Variants in PRKAR1B observed in about 807,000 individuals in gnomAD.
The protein encoded by PRKAR1B is cAMP-dependent protein kinase type I-beta regulatory subunit.
In PRKAR1B, 22 loss-of-function variants were observed where a neutral mutation model predicts 46.5. The observed-to-expected ratio is 0.47, with a 90% CI of 0.34 to 0.68. The LOEUF is 0.68. Ranked by LOEUF, PRKAR1B falls within the 30% of genes least tolerant of loss-of-function variation. The pLI is 0.01. For synonymous variants in PRKAR1B, 259 were observed against 217.7 expected (o/e 1.19, Z -1.67); for missense variants, 445 against 535.6 (o/e 0.83, Z 1.67).
intron 2 of PRKAR1B, among the ~76,000 whole-genome samples, chr7:694,078 A>T (rs1779593589): frequency 6.6e-6 from 1 of 152,052 alleles, no homozygotes; most frequent in Non-Finnish European, 1.5e-5. Flanking sequence ...AGGTCAGGAG[A>T]TGGAGACCAT....
chr7:680,482 C>G (rs79037648), intron 3 of PRKAR1B, 74 bp downstream of exon 3: 171,738 of 1,440,426 alleles, frequency 0.12, 11,411 homozygotes, highest in South Asian at 0.23. Context: ...GCCCCGTGGG[C>G]TTCCAGGGAG....
chr7:579,491 C>T, intron 8 of PRKAR1B, 114 bp from the exon 9 acceptor site: 1 of 1,329,442 alleles, frequency 7.5e-7, no homozygotes, highest in East Asian at 2.4e-5. Flanking sequence ...ATCACAACAC[C>T]AGCTCCGTGA....
At chr7:623,739 CTGTACCTAG>C (rs1273101707) in intron 4 of PRKAR1B, among the ~76,000 whole-genome samples, 2 of 152,262 alleles carry the variant, frequency 1.3e-5, no homozygotes, top group Non-Finnish European at 2.9e-5. Context: ...GCAGTGATCC[CTGTACCTAG>C]TGCAATGGTC....
Position 578,298 on chromosome 7 carries a change from G to A in PRKAR1B, c.891+958C>T, listed in dbSNP as rs189497346. Among the ~76,000 whole-genome samples, 447 of 152,322 alleles carry A rather than the reference G, an allele frequency of 2.9e-3. 5 individuals are homozygous for A. The highest frequency in any genetic ancestry group is 7.9e-3 in the African/African-American group (328 of 41,558). On this transcript the variant is annotated intron_variant, in intron 9 of 10. Transcript: ENST00000537384. ...CTGCTCGGCCCACCCAACAGTCTGC[G>A]TGCGGCCACCACGGACTGCGGCCCC...
chr7:622,007 C>A (rs1349660450), intron 4 of PRKAR1B, among the ~76,000 whole-genome samples: 1 of 152,228 alleles, frequency 6.6e-6, no homozygotes, highest in African/African-American at 2.4e-5. Flanking sequence ...CGGCCCATGC[C>A]CCGATCTCAG....
At chr7:586,026 T>C (rs962789776) in intron 7 of PRKAR1B, among the ~76,000 whole-genome samples, 3 of 152,124 alleles carry the variant, frequency 2.0e-5, no homozygotes, top group Non-Finnish European at 4.4e-5. Context: ...TTTCTGAACA[T>C]GTCCCTCCCC....
chr7:588,361 G>A (rs911648083), intron 7 of PRKAR1B, among the ~76,000 whole-genome samples: 46 of 152,194 alleles, frequency 3.0e-4, no homozygotes, highest in African/African-American at 1.1e-3. Flanking sequence ...GCCTCACTGG[G>A]TCATTATGAG....
intron 10 of PRKAR1B, 131 bp downstream of exon 10, chr7:551,258 T>G (rs1472760035): frequency 5.9e-6 from 5 of 848,094 alleles, no homozygotes; most frequent in Non-Finnish European, 9.3e-6. Context: ...GCAGCCACAC[T>G]GGGGCTCAGC....
rs79651464 is a variant in PRKAR1B at position 666,350 on chromosome 7, G to A, written c.440+10879C>T. Among the ~76,000 whole-genome samples, 11,664 of 151,986 alleles carry A rather than the reference G, an allele frequency of 0.077. 599 individuals carry two copies. Among genetic ancestry groups the A allele is most frequent in the South Asian group, 0.22 (1,036 of 4,800 alleles). ...GGTCCTGGCACATCAGAGAGCTCCG[G>A]AGCACGCGGGGCTGCTTCCTGAGGC... is the stretch of plus-strand genomic sequence containing the variant. On this transcript the variant is annotated intron_variant, in intron 4 of 10. Coordinates refer to ENST00000537384, the MANE Select transcript of PRKAR1B (RefSeq NM_001164760.2). The surrounding 1 kb of genome is among the most constrained non-coding windows in gnomAD (Gnocchi z 4.9).
chr7:604,175 C>G, intron 6 of PRKAR1B, among the ~76,000 whole-genome samples: 1 of 152,336 alleles, frequency 6.6e-6, no homozygotes, highest in East Asian at 1.9e-4. Flanking sequence ...CCTCCTGGGA[C>G]GGGCCCAGGC....
chr7:549,428 C>T lies in PRKAR1B; in HGVS notation c.*1002G>A, dbSNP rs889170646. ...GGGACGCACGGGACAGGAGCAACAT[C>T]AGGTGAACTGCAATGACCTCGCTTG... On this transcript the variant is annotated 3_prime_UTR_variant, in exon 11 of 11. Transcript: ENST00000537384. 2.0e-5 allele frequency: 3 copies of T among 152,456 alleles called. No individual in the cohort carries two copies. The highest frequency in any genetic ancestry group is 2.1e-4 in the South Asian group (1 of 4,828). The allele number at this position is 152,456 out of a possible 1,614,324, so 9.4% of individuals were successfully genotyped here. A position where few individuals can be genotyped will look rare whatever the true frequency, so the allele number is the denominator to read the frequency against.
intron 1 of PRKAR1B, among the ~76,000 whole-genome samples, chr7:725,324 T>C (rs1781220029): frequency 6.6e-6 from 1 of 152,174 alleles, no homozygotes; most frequent in Non-Finnish European, 1.5e-5. Flanking sequence ...ACACACATTC[T>C]GCCTTTAGAA....
chr7:692,646 C>T (rs1412313482), intron 2 of PRKAR1B, among the ~76,000 whole-genome samples: 2 of 152,126 alleles, frequency 1.3e-5, no homozygotes, highest in African/African-American at 4.8e-5. Context: ...ACACTGAGGC[C>T]CTGCAGTCGC....
intron 4 of PRKAR1B, among the ~76,000 whole-genome samples, chr7:620,143 C>T (rs1028838278): frequency 3.3e-5 from 5 of 152,072 alleles, no homozygotes; most frequent in South Asian, 2.1e-4. Context: ...CATAAGCCAC[C>T]GCACCCAGCT....
intron 4 of PRKAR1B, among the ~76,000 whole-genome samples, chr7:629,095 G>A (rs546520079): frequency 4.6e-4 from 70 of 152,374 alleles, no homozygotes; most frequent in African/African-American, 1.6e-3. Context: ...AAGCCCTGGA[G>A]ACATTCCCAA....
chr7:581,808 T>C (rs1727591753), intron 8 of PRKAR1B, among the ~76,000 whole-genome samples: 1 of 152,078 alleles, frequency 6.6e-6, no homozygotes, highest in African/African-American at 2.4e-5. Flanking sequence ...CTTGAACTCC[T>C]GGGCTCAAGC....
intron 4 of PRKAR1B, among the ~76,000 whole-genome samples, chr7:649,258 C>T (rs1784774602): frequency 6.6e-6 from 1 of 152,228 alleles, no homozygotes; most frequent in African/African-American, 2.4e-5. Context: ...TAGCCCATTT[C>T]CCACAGAATT....
At chr7:564,142 C>T (rs1778992737) in intron 9 of PRKAR1B, among the ~76,000 whole-genome samples, 1 of 152,196 alleles carries the variant, frequency 6.6e-6, no homozygotes, top group South Asian at 2.1e-4. Context: ...CACCACCCAT[C>T]ATTCTGGACC....
intron 9 of PRKAR1B, among the ~76,000 whole-genome samples, chr7:555,021 C>G (rs919563560): frequency 3.3e-5 from 5 of 152,202 alleles, no homozygotes; most frequent in Admixed American, 6.5e-5. Context: ...GGAGTCACCA[C>G]AGGCCACCCC....
Sources: gnomAD v4.1 joint callset for allele counts (sites outside exome capture counted in the v4.1 genomes callset) on GRCh38, gnomAD v4.1.1 for gene constraint, Gnocchi (gnomAD v3.1) non-coding constraint, MANE v1.5 for transcripts, NCBI Gene and HGNC (gene_info 2026-07-23, HGNC 2026-07-21) for gene names.